GPSM3: variants seen among roughly 807,000 people sequenced by gnomAD.
GPSM3 encodes G protein signaling modulator 3.
A neutral mutation model predicts 20.4 loss-of-function variants in GPSM3; 16 were observed. The ratio of observed to expected loss-of-function variants is 0.78; its 90% CI spans 0.53 to 1.19. GPSM3 has a LOEUF of 1.19. Among genes scored for constraint, GPSM3 ranks in the 50% most tolerant of loss-of-function variants. GPSM3 has a pLI of 0.00. For synonymous variants in GPSM3, 70 were observed against 79.6 expected, an observed-to-expected ratio of 0.88 and a Z score of 0.64; for missense variants, 177 against 204.6, an observed-to-expected ratio of 0.86 and a Z score of 0.82.
chr6:32,191,796 G>A lies in GPSM3; in HGVS notation c.258C>T (p.Thr86=). The A allele has an allele frequency of 6.2e-7, 1 of 1,612,368 alleles. No homozygotes were observed. The highest frequency in any genetic ancestry group is 8.5e-7 in the Non-Finnish European group (1 of 1,179,608). ...GGGCTAGGCTTGAGGGGTTTTGGGG[G>A]GTGTAGAAGGTGGCCCTCTGCTCCT... is the stretch of plus-strand genomic sequence containing the variant. The part of the protein sequence containing the change: ...RLEEQRATFY[T]PQNPSSLAPA... The change falls in exon 3 of 4, where the codon ACC becomes ACT. Residue 86 remains threonine (T), a synonymous_variant. Transcript: ENST00000375040. The surrounding 1 kb of genome is among the most constrained non-coding windows in gnomAD (Gnocchi z 5.9).
Position 32,192,229 on chromosome 6 carries a change from C to G in GPSM3, c.64G>C (p.Gly22Arg). 1 of 1,516,410 alleles carries G rather than the reference C, an allele frequency of 6.6e-7. No individual in the cohort carries two copies. Among genetic ancestry groups the G allele is most frequent in the Non-Finnish European group, 8.8e-7 (1 of 1,133,044 alleles). The allele number at this position is 1,516,410 out of a possible 1,614,324, so 93.9% of individuals were successfully genotyped here. ...GTGGTGGAGTTTGGAGGGGGCCAGCCTTCCTCATCCTGAGGGGGGCCCTGA... is the reference window on the plus strand; with the variant it reads ...GTGGTGGAGTTTGGAGGGGGCCAGCGTTCCTCATCCTGAGGGGGGCCCTGA... ...GEQGPPQDEE[G>R]WPPPNSTTRP... is the part of the protein sequence containing the mutation. The change falls in exon 2 of 4, where the codon GGC becomes CGC. Residue 22 changes from glycine to arginine, a missense_variant. Coordinates refer to ENST00000375040, the MANE Select transcript of GPSM3 (RefSeq NM_001276501.2). The surrounding 1 kb of genome is among the most constrained non-coding windows in gnomAD (Gnocchi z 5.1).
upstream of GPSM3, chr6:32,192,661 C>T (rs192247604): frequency 1.3e-3 from 645 of 491,666 alleles, 6 homozygotes; most frequent in Non-Finnish European, 2.7e-4. The surrounding 1 kb of genome is among the most constrained non-coding windows in gnomAD (Gnocchi z 5.1). Context: ...AAGCTGGGTT[C>T]CTGGTCAGCC....
chr6:32,191,241 G>T lies in GPSM3; in HGVS notation c.*125C>A. ...TCCCAGGGAAGGTGATGTGGGAGATGAATATTGAGATTTGTGCCGTGTCTT... is the reference window on the plus strand; with the variant it reads ...TCCCAGGGAAGGTGATGTGGGAGATTAATATTGAGATTTGTGCCGTGTCTT... On this transcript the variant is annotated 3_prime_UTR_variant, in exon 4 of 4. Coordinates refer to ENST00000375040, the MANE Select transcript of GPSM3 (RefSeq NM_001276501.2). This position sits in a 1 kb window ranked among gnomAD's most constrained non-coding sequence, Gnocchi z 5.9. 1 of 1,151,322 alleles carries T rather than the reference G, an allele frequency of 8.7e-7. No homozygotes were observed. The highest frequency in any genetic ancestry group is 1.2e-6 in the Non-Finnish European group (1 of 830,094). 71.3% of individuals were successfully genotyped at this position (1,151,322 alleles called of 1,614,324 possible).
Position 32,191,514 on chromosome 6 carries a change from G to C in GPSM3, c.346-11C>G, listed in dbSNP as rs1787511179. 1.3e-6 allele frequency: 2 copies of C among 1,543,386 alleles called. No homozygotes were observed. Among genetic ancestry groups the C allele is most frequent in the Non-Finnish European group, 1.7e-6 (2 of 1,146,338 alleles). ...TTCCATCCGCTGGCACTGGAGGAGT[G>C]GAGGGAGAGGGAGAGCTTTGGTGAG... On this transcript the variant is annotated splice_polypyrimidine_tract_variant and intron_variant, in intron 3 of 3. Coordinates refer to ENST00000375040, the MANE Select transcript of GPSM3 (RefSeq NM_001276501.2). This position sits in a 1 kb window ranked among gnomAD's most constrained non-coding sequence, Gnocchi z 5.9.
upstream of GPSM3, chr6:32,195,270 T>A (rs943916792): frequency 1.5e-6 from 1 of 660,076 alleles, no homozygotes; most frequent in Non-Finnish European, 2.5e-6. This position sits in a 1 kb window ranked among gnomAD's most constrained non-coding sequence, Gnocchi z 5.4. Flanking sequence ...GAGCTGCAGC[T>A]TCTCCACGTG....
chr6:32,193,790 A>G (rs1178036282), upstream of GPSM3, among the ~76,000 whole-genome samples: 1 of 152,224 alleles, frequency 6.6e-6, no homozygotes, highest in East Asian at 1.9e-4. The surrounding 1 kb of genome is among the most constrained non-coding windows in gnomAD (Gnocchi z 4.7). Flanking sequence ...AATGAAATTG[A>G]AAAGGGAGAG....
At chr6:32,195,366 AC>A (rs1787795586), upstream of GPSM3, 1 of 1,446,506 alleles carries the variant, frequency 6.9e-7, no homozygotes, top group Non-Finnish European at 9.3e-7. This position sits in a 1 kb window ranked among gnomAD's most constrained non-coding sequence, Gnocchi z 5.4. Context: ...CCATCTTAAA[AC>A]CAGGAAGGCC....
chr6:32,191,933 C>G lies in GPSM3; in HGVS notation c.146-25G>C. ...GCTGGGGAGAGGGGTGTGGAGGGCT[C>G]AGAGACCCAGAGAGGTTGGCAGACA... On this transcript the variant is annotated intron_variant, in intron 2 of 3. Transcript: ENST00000375040. The surrounding 1 kb of genome is among the most constrained non-coding windows in gnomAD (Gnocchi z 5.9). 1 of 1,601,350 alleles carries G rather than the reference C, an allele frequency of 6.2e-7. No individual in the cohort carries two copies. The highest frequency in any genetic ancestry group is 1.1e-5 in the South Asian group (1 of 90,658).
At chr6:32,194,990 T>G (rs1003978412), upstream of GPSM3, 1 of 240,560 alleles carries the variant, frequency 4.2e-6, no homozygotes, top group African/African-American at 2.2e-5. This position sits in a 1 kb window ranked among gnomAD's most constrained non-coding sequence, Gnocchi z 4.5. Flanking sequence ...GGGGTGGCCC[T>G]TGGCCACTTT....
upstream of GPSM3, chr6:32,192,829 G>A (rs1302137946): frequency 5.8e-6 from 2 of 343,566 alleles, no homozygotes; most frequent in East Asian, 4.5e-5. The surrounding 1 kb of genome is among the most constrained non-coding windows in gnomAD (Gnocchi z 5.1). Flanking sequence ...GACTCCTGGC[G>A]GTCTCATCTC....
At chr6:32,194,244 G>T (rs1053062521), upstream of GPSM3, 1 of 152,152 alleles carries the variant, frequency 6.6e-6, no homozygotes, top group Non-Finnish European at 1.5e-5. This position sits in a 1 kb window ranked among gnomAD's most constrained non-coding sequence, Gnocchi z 4.5. Context: ...CTCCTAAGTG[G>T]CCATAAGTAA....
rs1456496588 is a variant in GPSM3, at chr6:32,191,017, C to G, written c.*349G>C. On this transcript the variant is annotated 3_prime_UTR_variant, in exon 4 of 4. Transcript: ENST00000375040. The surrounding 1 kb of genome is among the most constrained non-coding windows in gnomAD (Gnocchi z 5.9). ...ATAACCTCTCAGGTGGAGGCCTGAG[C>G]CCTCAGACCCTACTGCCTAGTAGCT... is the stretch of plus-strand genomic sequence containing the variant. 1 of 229,716 alleles carries G rather than the reference C, an allele frequency of 4.4e-6. No homozygotes were observed. Among genetic ancestry groups the G allele is most frequent in the African/African-American group, 2.3e-5 (1 of 44,102 alleles). The allele number at this position is 229,716 out of a possible 1,614,324, so 14.2% of individuals were successfully genotyped here.
chr6:32,192,434 T>TC lies in GPSM3; in HGVS notation c.42+37dup. On this transcript the variant is annotated intron_variant, in intron 1 of 3. Transcript: ENST00000375040. The surrounding 1 kb of genome is among the most constrained non-coding windows in gnomAD (Gnocchi z 5.1). ...CCCAGGTCCTCTCACCTCCCTTCTT[T>TC]CCCAGTGTCAGCCTCCCCAACCCCG... is the stretch of plus-strand genomic sequence containing the variant. 2 of 1,570,452 alleles carry TC rather than the reference T, an allele frequency of 1.3e-6. No individual in the cohort carries two copies. The highest frequency in any genetic ancestry group is 1.2e-5 in the South Asian group (1 of 85,848).
At chr6:32,193,713 A>T (rs1384316641), upstream of GPSM3, among the ~76,000 whole-genome samples, 5 of 152,004 alleles carry the variant, frequency 3.3e-5, no homozygotes. The surrounding 1 kb of genome is among the most constrained non-coding windows in gnomAD (Gnocchi z 4.7). Flanking sequence ...GCAGTGAGCC[A>T]TTTGTGCCAC....
In GPSM3 at chr6:32,191,274, C is replaced by T. The variant is rs1787488823; in HGVS notation, c.*92G>A. ...AGATTTGTGCCGTGTCTTTCAGTCT[C>T]TGGTACCCCTGCCAAGCAAGAGTTG... is the stretch of plus-strand genomic sequence containing the variant. On this transcript the variant is annotated 3_prime_UTR_variant, in exon 4 of 4. Transcript: ENST00000375040. This position sits in a 1 kb window ranked among gnomAD's most constrained non-coding sequence, Gnocchi z 5.9. 7.0e-7 allele frequency: 1 copy of T among 1,431,642 alleles called. No individual in the cohort carries two copies. The highest frequency in any genetic ancestry group is 1.5e-5 in the African/African-American group (1 of 67,844). 88.7% of individuals were successfully genotyped at this position (1,431,642 alleles called of 1,614,324 possible). A position where few individuals can be genotyped will look rare whatever the true frequency, so the allele number is the denominator to read the frequency against.
At position 32,191,544 on chromosome 6, in the gene GPSM3, T is replaced by A; in HGVS notation, c.346-41A>T. 1 of 1,525,488 alleles carries A rather than the reference T, an allele frequency of 6.6e-7. No homozygotes were observed. The highest frequency in any genetic ancestry group is 1.3e-5 in the South Asian group (1 of 77,578). 94.5% of individuals were successfully genotyped at this position (1,525,488 alleles called of 1,614,324 possible). ...GAGAGGGAGAGCTTTGGTGAGGGTC[T>A]GAGAGGAGGAGGTTCTTGAGAGGAT... On this transcript the variant is annotated intron_variant, in intron 3 of 3. Transcript: ENST00000375040. This position sits in a 1 kb window ranked among gnomAD's most constrained non-coding sequence, Gnocchi z 5.9.
upstream of GPSM3, among the ~76,000 whole-genome samples, chr6:32,193,995 G>A (rs1787701863): frequency 6.6e-6 from 1 of 152,214 alleles, no homozygotes; most frequent in African/African-American, 2.4e-5. This position sits in a 1 kb window ranked among gnomAD's most constrained non-coding sequence, Gnocchi z 4.7. Context: ...ATCTTGGGCA[G>A]ATCTCTGTGC....
chr6:32,191,986 G>A lies in GPSM3; in HGVS notation c.146-78C>T. 1 of 1,411,542 alleles carries A rather than the reference G, an allele frequency of 7.1e-7. No individual in the cohort carries two copies. The highest frequency in any genetic ancestry group is 9.9e-7 in the Non-Finnish European group (1 of 1,007,012). 87.4% of individuals were successfully genotyped at this position (1,411,542 alleles called of 1,614,324 possible). A position where few individuals can be genotyped will look rare whatever the true frequency, so the allele number is the denominator to read the frequency against. On this transcript the variant is annotated intron_variant, in intron 2 of 3. Coordinates refer to ENST00000375040, the MANE Select transcript of GPSM3 (RefSeq NM_001276501.2). This position sits in a 1 kb window ranked among gnomAD's most constrained non-coding sequence, Gnocchi z 5.9. ...AGCCGTGGGGGAGTGTGGACAGGGTGACGTGATTAGGGACTTTGGATCAGA... is the reference window on the plus strand; with the variant it reads ...AGCCGTGGGGGAGTGTGGACAGGGTAACGTGATTAGGGACTTTGGATCAGA...
upstream of GPSM3, chr6:32,195,429 G>A (rs1412239894): frequency 8.3e-6 from 13 of 1,571,768 alleles, no homozygotes; most frequent in East Asian, 2.2e-4. The surrounding 1 kb of genome is among the most constrained non-coding windows in gnomAD (Gnocchi z 5.4). Flanking sequence ...TCCCTACCAT[G>A]TATTCTTCTA....
Sources: gnomAD v4.1 joint callset for allele counts (sites outside exome capture counted in the v4.1 genomes callset) on GRCh38, gnomAD v4.1.1 for gene constraint, Gnocchi (gnomAD v3.1) non-coding constraint, MANE v1.5 for transcripts, NCBI Gene and HGNC (gene_info 2026-07-23, HGNC 2026-07-21) for gene names.